The following MTPAP variants were observed in gnomAD, a reference collection of about 807,000 sequenced individuals.
MTPAP encodes the protein mitochondrial poly(A) polymerase, also known as poly(A) RNA polymerase, mitochondrial.
In MTPAP, 23 loss-of-function variants were observed where a neutral mutation model predicts 48.7. The ratio of observed to expected loss-of-function variants is 0.47; its 90% confidence interval spans 0.34 to 0.67. MTPAP has a LOEUF of 0.67. Ranked by LOEUF, MTPAP falls within the 30% of genes least tolerant of loss-of-function variation. The pLI is 0.01. For missense variants in MTPAP, 614 were observed against 694.3 expected (o/e 0.88, Z 1.30); for synonymous variants, 257 against 254.1 (o/e 1.01, Z -0.11).
chr10:30,327,917 G>T (rs1834618653), intron 4 of MTPAP, among the ~76,000 whole-genome samples: 1 of 150,636 alleles, frequency 6.6e-6, no homozygotes, highest in Admixed American at 6.6e-5. Flanking sequence ...CATCAGTAAA[G>T]TACCAGAAGA....
intron 6 of MTPAP, among the ~76,000 whole-genome samples, chr10:30,320,943 G>A (rs1194349822): frequency 1.3e-5 from 2 of 152,192 alleles, no homozygotes; most frequent in Non-Finnish European, 2.9e-5. Context: ...CAGCAGGAGT[G>A]GAAAAGGAAG....
Position 30,338,887 on chromosome 10 carries a change from G to C in MTPAP, c.555+1339C>G, listed in dbSNP as rs1372378431. Among the ~76,000 whole-genome samples, 18 of 152,280 alleles carry C rather than the reference G, an allele frequency of 1.2e-4. No homozygotes were observed. In the East Asian group the frequency reaches 2.7e-3, roughly 23 times the overall value. On this transcript the variant is annotated intron_variant, in intron 3 of 8. Transcript: ENST00000263063. ...GCCTATAATCCCAGCACTTTGGGAG[G>C]CCAAGGCGGGCGGATCACAAGGTCA...
intron 3 of MTPAP, among the ~76,000 whole-genome samples, chr10:30,338,880 T>C (rs556157839): frequency 7.2e-5 from 11 of 152,088 alleles, no homozygotes; most frequent in Admixed American, 5.2e-4. Flanking sequence ...TCCCAGCACT[T>C]TGGGAGGCCA....
intron 7 of MTPAP, 22 bp from the exon 8 acceptor site, chr10:30,316,058 A>G: frequency 6.2e-7 from 1 of 1,611,128 alleles, no homozygotes; most frequent in Non-Finnish European, 8.5e-7. Context: ...TAAAACAAGG[A>G]CAATCAGAGG....
At chr10:30,325,840 C>G (rs186179880) in intron 5 of MTPAP, among the ~76,000 whole-genome samples, 1 of 151,648 alleles carries the variant, frequency 6.6e-6, no homozygotes, top group South Asian at 2.1e-4. Context: ...TTTTCCCACC[C>G]CACTTTTTTA....
intron 1 of MTPAP, among the ~76,000 whole-genome samples, chr10:30,342,379 G>A (rs1834821437): frequency 6.6e-6 from 1 of 152,150 alleles, no homozygotes; most frequent in Non-Finnish European, 1.5e-5. Context: ...GACCACAGTT[G>A]ACTGTGAGGA....
At chr10:30,330,488 A>T (rs1834652408) in intron 4 of MTPAP, among the ~76,000 whole-genome samples, 1 of 152,220 alleles carries the variant, frequency 6.6e-6, no homozygotes. Flanking sequence ...ATCACTCAGA[A>T]GAAAGGTGAC....
At position 30,341,771 on chromosome 10, in the gene MTPAP, A is replaced by G. The variant is rs544623710; in HGVS notation, c.158-131T>C. 933 of 960,530 alleles carry G rather than the reference A, an allele frequency of 9.7e-4. 4 individuals are homozygous for G. The African/African-American group carries it at 0.013, about 13-fold the overall frequency. 59.5% of individuals were successfully genotyped at this position (960,530 alleles called of 1,614,324 possible). ...CCTAATCTATTTTTTCTCTTCCTTT[A>G]TAAGGGTTAAACTATACTACAGTAG... On this transcript the variant is annotated intron_variant, in intron 1 of 8. Coordinates refer to ENST00000263063, the MANE Select transcript of MTPAP (RefSeq NM_018109.4).
chr10:30,347,727 C>T (rs1834888777), intron 1 of MTPAP, among the ~76,000 whole-genome samples: 1 of 152,230 alleles, frequency 6.6e-6, no homozygotes, highest in East Asian at 1.9e-4. Context: ...CCCATCTCTA[C>T]TAATAACACA....
At position 30,313,879 on chromosome 10, in the gene MTPAP, G is replaced by T; in HGVS notation, c.1479C>A (p.Ser493Arg). 2 of 1,614,140 alleles carry T rather than the reference G, an allele frequency of 1.2e-6. No homozygotes were observed. The highest frequency in any genetic ancestry group is 1.7e-6 in the Non-Finnish European group (2 of 1,180,012). The change falls in exon 9 of 9, where the codon AGC becomes AGA. Residue 493 changes from serine to arginine, a missense_variant. Physicochemically the swap from Ser to Arg is moderately radical, Grantham distance 110 (BLOSUM62 -1). Transcript: ENST00000263063. ...SLNISKNVSQ[S>R]QLQKFVDLAR... The stretch of plus-strand genomic sequence containing the variant: ...CCAAATCTACAAATTTTTGCAGCTG[G>T]CTTTGACTTACATTTTTGCTTATGT...
intron 6 of MTPAP, among the ~76,000 whole-genome samples, chr10:30,319,548 A>G (rs1487396309): frequency 6.6e-6 from 1 of 152,190 alleles, no homozygotes; most frequent in African/African-American, 2.4e-5. Context: ...CCTTAGGTTT[A>G]ATGTCCACCA....
chr10:30,335,342 C>T (rs779132291), intron 4 of MTPAP, among the ~76,000 whole-genome samples: 7 of 151,868 alleles, frequency 4.6e-5, no homozygotes, highest in African/African-American at 1.5e-4. Flanking sequence ...AAAAATTAGC[C>T]GGGCATGGTG....
Position 30,315,993 on chromosome 10 carries a change from A to G in MTPAP, c.1356T>C (p.Ala452=). The change falls in exon 8 of 9, where the codon GCT becomes GCC. Residue 452 remains alanine, a synonymous_variant. Transcript: ENST00000263063. The part of the protein sequence containing the change: ...KEFFEYFGNF[A]FDKNSINIRQ... Reference sequence around the variant, plus strand: ...GAATATTTATGGAATTTTTATCGAAAGCAAAATTGCCAAAATACTCAAAAA... The same window carrying G: ...GAATATTTATGGAATTTTTATCGAAGGCAAAATTGCCAAAATACTCAAAAA... 6.2e-7 allele frequency: 1 copy of G among 1,607,156 alleles called. No individual in the cohort carries two copies. Among genetic ancestry groups the G allele is most frequent in the Non-Finnish European group, 8.5e-7 (1 of 1,175,072 alleles).
Position 30,330,619 on chromosome 10 carries a change from G to A in MTPAP, c.781-3984C>T, listed in dbSNP as rs183810690. ...ACTGGGCGCAGGAAAGTGGTGAACT[G>A]TGAACCATGAGCAGGAGTGTGGTAG... On this transcript the variant is annotated intron_variant, in intron 4 of 8. Transcript: ENST00000263063. 3.3e-5 allele frequency among the ~76,000 whole-genome samples: 5 copies of A among 152,348 alleles called. No homozygotes were observed. In the East Asian group the frequency reaches 9.6e-4, roughly 29 times the overall value.
intron 1 of MTPAP, chr10:30,348,897 C>G (rs760588982): frequency 1.6e-6 from 1 of 624,684 alleles, no homozygotes; most frequent in Non-Finnish European, 2.8e-6. Flanking sequence ...TTACTGTACA[C>G]AGGAGTCGCC....
At chr10:30,326,733 G>T in intron 4 of MTPAP, 98 bp from the exon 5 acceptor site, 1 of 898,870 alleles carries the variant, frequency 1.1e-6, no homozygotes, top group Non-Finnish European at 1.7e-6. Flanking sequence ...CTGCTGGAAA[G>T]CAAAACAAAA....
At chr10:30,314,071 G>C (rs1406786957) in intron 8 of MTPAP, 100 bp from the exon 9 acceptor site, 15 of 1,310,198 alleles carry the variant, frequency 1.1e-5, no homozygotes, top group African/African-American at 1.5e-5. Flanking sequence ...TAAAACACCA[G>C]CATTAACTTT....
chr10:30,337,643 G>GA (rs1192088666), intron 3 of MTPAP, among the ~76,000 whole-genome samples: 3 of 152,126 alleles, frequency 2.0e-5, no homozygotes, highest in African/African-American at 7.2e-5. Flanking sequence ...CTAGCAAAAT[G>GA]AAAGTTGGCT....
chr10:30,310,401 C>G lies in MTPAP; in HGVS notation c.*3208G>C, dbSNP rs1035581913. On this transcript the variant is annotated 3_prime_UTR_variant, in exon 9 of 9. Transcript: ENST00000263063. ...AGGAGTTCGAGACCAGCCTGGCCAA[C>G]AGAGTAAAACCCCATCTCTACTAAA... 1.3e-5 allele frequency: 2 copies of G among 151,870 alleles called. No individual in the cohort carries two copies. Among genetic ancestry groups the G allele is most frequent in the African/African-American group, 4.8e-5 (2 of 41,308 alleles). The allele number at this position is 151,870 out of a possible 1,614,324, so 9.4% of individuals were successfully genotyped here. A position where few individuals can be genotyped will look rare whatever the true frequency, so the allele number is the denominator to read the frequency against.
Sources: allele counts gnomAD v4.1 joint callset (sites outside exome capture counted in the v4.1 genomes callset), GRCh38; gene constraint gnomAD v4.1.1; transcripts MANE v1.5; gene names NCBI Gene and HGNC (gene_info 2026-07-23, HGNC 2026-07-21).